Variants in SUSD4 observed in about 807,000 individuals in gnomAD.
The protein encoded by SUSD4 is sushi domain containing 4, also known as sushi domain-containing protein 4.
A neutral mutation model predicts 50.5 loss-of-function variants in SUSD4; 41 were observed. That is an observed-to-expected ratio of 0.81 (90% CI 0.63 to 1.05). The LOEUF (loss-of-function observed/expected upper bound fraction) is 1.05, where lower values mean the gene tolerates loss of function less well. Ranked by LOEUF, SUSD4 falls within the 50% of genes least tolerant of loss-of-function variation. SUSD4 has a pLI of 0.00. For synonymous variants in SUSD4, 257 were observed against 257.3 expected (o/e 1.00, Z 0.01); for missense variants, 580 against 634.7 (o/e 0.91, Z 0.93).
chr1:223,242,296 G>A (rs1419650763), intron 5 of SUSD4, among the ~76,000 whole-genome samples: 1 of 152,184 alleles, frequency 6.6e-6, no homozygotes, highest in African/African-American at 2.4e-5. Context: ...CCCAGAAAAA[G>A]TAAGCATAAG....
At chr1:223,319,437 T>C (rs889757143) in intron 2 of SUSD4, among the ~76,000 whole-genome samples, 2 of 151,978 alleles carry the variant, frequency 1.3e-5, no homozygotes, top group African/African-American at 4.8e-5. Flanking sequence ...GAATCTACAA[T>C]GAACTCAAAC....
intron 2 of SUSD4, among the ~76,000 whole-genome samples, chr1:223,315,478 G>A (rs916354310): frequency 3.9e-5 from 6 of 152,230 alleles, no homozygotes; most frequent in East Asian, 1.9e-4. Flanking sequence ...CGCGGACTCC[G>A]CCAACTGGTC....
chr1:223,298,117 GATGGATGGATGGATGA>G (rs1329912572), intron 2 of SUSD4, among the ~76,000 whole-genome samples: 2 of 151,890 alleles, frequency 1.3e-5, no homozygotes, highest in Non-Finnish European at 2.9e-5. Flanking sequence ...TGCATCGCTA[GATGGATGGATGGATGA>G]ATGGATGGAT....
chr1:223,329,313 G>A (rs1381082190), intron 2 of SUSD4, among the ~76,000 whole-genome samples: 2 of 152,118 alleles, frequency 1.3e-5, no homozygotes, highest in Non-Finnish European at 2.9e-5. Flanking sequence ...GATCAATAAT[G>A]AACAAGGATA....
chr1:223,340,204 A>G (rs1667678848), intron 2 of SUSD4, among the ~76,000 whole-genome samples: 1 of 152,134 alleles, frequency 6.6e-6, no homozygotes, highest in African/African-American at 2.4e-5. Context: ...TAAACACCCC[A>G]TTGTCTGAGA....
chr1:223,266,080 T>C (rs1470581942), intron 4 of SUSD4, among the ~76,000 whole-genome samples: 2 of 152,148 alleles, frequency 1.3e-5, no homozygotes, highest in African/African-American at 4.8e-5. Context: ...GTGCAGAATT[T>C]GAGGCACTCA....
chr1:223,320,116 G>C (rs968900604), intron 2 of SUSD4, among the ~76,000 whole-genome samples: 3 of 152,180 alleles, frequency 2.0e-5, no homozygotes, highest in African/African-American at 7.2e-5. Context: ...CTTTGTTCTT[G>C]CTCATCCAGG....
chr1:223,349,843 C>T (rs61838249), intron 2 of SUSD4, among the ~76,000 whole-genome samples: 4 of 152,018 alleles, frequency 2.6e-5, no homozygotes, highest in East Asian at 1.9e-4. Flanking sequence ...GTCTTCCTTT[C>T]GTATCTGCTA....
intron 5 of SUSD4, among the ~76,000 whole-genome samples, chr1:223,256,117 G>A (rs185242046): frequency 6.8e-4 from 103 of 152,342 alleles, no homozygotes; most frequent in Non-Finnish European, 9.8e-4. Context: ...ATACAGTGTA[G>A]CTTGGGGCAG....
intron 4 of SUSD4, among the ~76,000 whole-genome samples, chr1:223,266,990 A>T (rs1373661433): frequency 6.6e-6 from 1 of 152,166 alleles, no homozygotes; most frequent in Non-Finnish European, 1.5e-5. Context: ...CCTCTGTGGG[A>T]CAGAGGCCTC....
intron 5 of SUSD4, chr1:223,235,158 A>G: frequency 8.0e-6 from 12 of 1,508,728 alleles, no homozygotes; most frequent in Non-Finnish European, 9.8e-6. Flanking sequence ...TTGATTGAAA[A>G]AAAAAACCTA....
chr1:223,307,687 GCTGACTCCAGA>G (rs1188493722), intron 2 of SUSD4, among the ~76,000 whole-genome samples: 1 of 152,176 alleles, frequency 6.6e-6, no homozygotes, highest in Non-Finnish European at 1.5e-5. Flanking sequence ...GAAAGCGCTG[GCTGACTCCAGA>G]CAGTGTGTGC....
intron 2 of SUSD4, among the ~76,000 whole-genome samples, chr1:223,296,151 A>G (rs1298769533): frequency 1.3e-5 from 2 of 152,144 alleles, no homozygotes; most frequent in African/African-American, 4.8e-5. Context: ...AGGCTCCTGC[A>G]GTACTCCAGG....
At chr1:223,253,324 A>G (rs1225995499) in intron 5 of SUSD4, among the ~76,000 whole-genome samples, 3 of 152,006 alleles carry the variant, frequency 2.0e-5, no homozygotes, top group Non-Finnish European at 2.9e-5. Context: ...AAACAACAAA[A>G]ACTTGCTTCA....
At chr1:223,272,010 T>C (rs757423499) in intron 3 of SUSD4, among the ~76,000 whole-genome samples, 3 of 152,208 alleles carry the variant, frequency 2.0e-5, no homozygotes, top group South Asian at 2.1e-4. Flanking sequence ...GTGGATCACC[T>C]GAGGTCAGGA....
At chr1:223,240,984 G>A (rs1214424674) in intron 5 of SUSD4, among the ~76,000 whole-genome samples, 1 of 152,194 alleles carries the variant, frequency 6.6e-6, no homozygotes, top group African/African-American at 2.4e-5. Context: ...GTCTTTTAGT[G>A]AGCCTGAGCC....
intron 7 of SUSD4, among the ~76,000 whole-genome samples, chr1:223,224,862 C>CTTCTTTTTTTTTTT (rs1239409764): frequency 1.9e-4 from 11 of 59,288 alleles, no homozygotes; most frequent in African/African-American, 5.0e-4. Context: ...TGGTTTCTTC[C>CTTCTTTTTTTTTTT]TTTTTTTTTT....
intron 2 of SUSD4, among the ~76,000 whole-genome samples, chr1:223,326,522 T>C (rs576077566): frequency 6.6e-6 from 1 of 152,232 alleles, no homozygotes; most frequent in African/African-American, 2.4e-5. Context: ...AAAGAGCTTC[T>C]GTACAGCAAA....
At position 223,292,549 on chromosome 1, in the gene SUSD4, T is replaced by C; in HGVS notation, c.251A>G (p.His84Arg). The change falls in exon 3 of 9, where the codon CAC becomes CGC. Residue 84 changes from histidine (H) to arginine (R), a missense_variant. Coordinates refer to ENST00000366878, the MANE Select transcript of SUSD4 (RefSeq NM_017982.4). ...VFFEGSVARFHCQDGFKLKGA... is the reference protein window; with the variant it reads ...VFFEGSVARFRCQDGFKLKGA... ...CTTCAGCTTGAATCCGTCTTGGCAG[T>C]GAAATCGGGCTACAGAGCCTTCAAA... The C allele has an allele frequency of 1.2e-6, 2 of 1,614,152 alleles. No individual in the cohort carries two copies. Among genetic ancestry groups the C allele is most frequent in the African/African-American group, 1.3e-5 (1 of 75,044 alleles).
Sources: gnomAD v4.1 joint callset for allele counts (sites outside exome capture counted in the v4.1 genomes callset) on GRCh38, gnomAD v4.1.1 for gene constraint, MANE v1.5 for transcripts, NCBI Gene and HGNC (gene_info 2026-07-23, HGNC 2026-07-21) for gene names.